Variants in R3HDM2 observed in about 807,000 individuals in gnomAD.
R3HDM2 encodes R3H domain containing 2.
Under a neutral mutation model 124.5 loss-of-function variants are expected in R3HDM2, and 38 were observed. That is an observed-to-expected ratio of 0.31 (90% CI 0.24 to 0.40). The LOEUF is 0.40. Among genes scored for constraint, R3HDM2 ranks in the 10% least tolerant of loss-of-function variants. The pLI is 1.00. For missense variants in R3HDM2, 869 were observed against 1,236.9 expected (o/e 0.70, Z 4.46); for synonymous variants, 391 against 448.0 (o/e 0.87, Z 1.61).
At chr12:57,380,667 T>A (rs186839374) in intron 2 of R3HDM2, among the ~76,000 whole-genome samples, 14 of 152,212 alleles carry the variant, frequency 9.2e-5, no homozygotes, top group Non-Finnish European at 1.5e-4. Flanking sequence ...AAAATACAAA[T>A]ATGATATTCT....
chr12:57,353,013 A>G (rs1156743672), intron 2 of R3HDM2, among the ~76,000 whole-genome samples: 5 of 152,226 alleles, frequency 3.3e-5, no homozygotes, highest in Admixed American at 2.6e-4. Flanking sequence ...AGACCTACAC[A>G]TGAAAAGTAA....
rs374452640 is a variant in R3HDM2, at chr12:57,356,521, G to A, written c.-36+39228C>T. Among the ~76,000 whole-genome samples the A allele has an allele frequency of 3.9e-4, 60 of 152,144 alleles. 1 individual carries two copies. The highest frequency in any genetic ancestry group is 1.2e-3 in the African/African-American group (48 of 41,520). On this transcript the variant is annotated intron_variant, in intron 2 of 23. Coordinates refer to ENST00000402412, the MANE Select transcript of R3HDM2 (RefSeq NM_001394031.1). Reference sequence around the variant, plus strand: ...CTTTGTTAAAGATTTTTGTATCCACGTACACAAGAAAATTTGGTCTGTAGT... The same window carrying A: ...CTTTGTTAAAGATTTTTGTATCCACATACACAAGAAAATTTGGTCTGTAGT...
rs201590705 is a variant in R3HDM2 at position 57,258,310 on chromosome 12, TTTTATTTATTTATTTA to T, written c.2302-189_2302-174del. Among the ~76,000 whole-genome samples the T allele has an allele frequency of 7.9e-3, 1,144 of 145,098 alleles. 12 individuals are homozygous for T. The highest frequency in any genetic ancestry group is 0.023 in the African/African-American group (898 of 39,570). On this transcript the variant is annotated intron_variant, in intron 20 of 23. Coordinates refer to ENST00000402412, the MANE Select transcript of R3HDM2 (RefSeq NM_001394031.1). Reference sequence around the variant, plus strand: ...CTCAGTCCTTAATTCATTTATGCTATTTTATTTATTTATTTATTTATTTATTTATTTATTTATTTAT... The same window carrying T: ...CTCAGTCCTTAATTCATTTATGCTATTTTATTTATTTATTTATTTATTTAT...
At chr12:57,383,217 G>A (rs2065162492) in intron 2 of R3HDM2, among the ~76,000 whole-genome samples, 1 of 152,192 alleles carries the variant, frequency 6.6e-6, no homozygotes, top group African/African-American at 2.4e-5. Flanking sequence ...CTACTTGGGA[G>A]GCTGAGGTGA....
intron 14 of R3HDM2, among the ~76,000 whole-genome samples, chr12:57,275,466 G>A (rs2044456792): frequency 6.9e-6 from 1 of 145,114 alleles, no homozygotes; most frequent in Admixed American, 6.9e-5. Flanking sequence ...AAGATAAATA[G>A]TTGGGACTTA....
At chr12:57,321,016 T>A (rs2056362889) in intron 2 of R3HDM2, among the ~76,000 whole-genome samples, 2 of 152,062 alleles carry the variant, frequency 1.3e-5, no homozygotes, top group Admixed American at 1.3e-4. Flanking sequence ...AATTGATACA[T>A]TTTAAAAAAT....
At chr12:57,399,345 T>C (rs1594479860) in intron 1 of R3HDM2, among the ~76,000 whole-genome samples, 1 of 152,044 alleles carries the variant, frequency 6.6e-6, no homozygotes, top group South Asian at 2.1e-4. Flanking sequence ...GAGGTTGCAG[T>C]GAGCTGAGAT....
At chr12:57,374,189 T>C (rs1354569039) in intron 2 of R3HDM2, among the ~76,000 whole-genome samples, 1 of 151,908 alleles carries the variant, frequency 6.6e-6, no homozygotes, top group East Asian at 1.9e-4. Flanking sequence ...GATGTAATAA[T>C]GAGCTGCAGT....
At chr12:57,294,235 C>T (rs2049246130) in intron 10 of R3HDM2, among the ~76,000 whole-genome samples, 1 of 152,122 alleles carries the variant, frequency 6.6e-6, no homozygotes, top group Admixed American at 6.5e-5. Flanking sequence ...ACAGAAACAA[C>T]CCTATTGGAT....
At chr12:57,324,383 A>G (rs959673430) in intron 2 of R3HDM2, among the ~76,000 whole-genome samples, 3 of 152,158 alleles carry the variant, frequency 2.0e-5, no homozygotes, top group Non-Finnish European at 4.4e-5. Flanking sequence ...GGGTTTCACC[A>G]TGTTGGGCAG....
At chr12:57,360,827 G>A (rs976168743) in intron 2 of R3HDM2, among the ~76,000 whole-genome samples, 15 of 151,892 alleles carry the variant, frequency 9.9e-5, no homozygotes, top group Non-Finnish European at 1.6e-4. Flanking sequence ...AGGCTGAGGC[G>A]GGCGGGTCAT....
intron 2 of R3HDM2, among the ~76,000 whole-genome samples, chr12:57,335,041 C>A (rs1185597191): frequency 6.6e-6 from 1 of 151,212 alleles, no homozygotes; most frequent in Non-Finnish European, 1.5e-5. Context: ...ACTTGAGAGG[C>A]TATAGCAGGA....
In R3HDM2 at chr12:57,392,804, C is replaced by CT. The variant is rs1183514418; in HGVS notation, c.-36+2944dup. ...CCCAGCAGTTCAATTCTATAGTACACTTTTTTTTTTTTTTTTTTTTGCTAG... is the reference window on the plus strand; with the variant it reads ...CCCAGCAGTTCAATTCTATAGTACACTTTTTTTTTTTTTTTTTTTTTGCTAG... On this transcript the variant is annotated intron_variant, in intron 2 of 23. Coordinates refer to ENST00000402412, the MANE Select transcript of R3HDM2 (RefSeq NM_001394031.1). Among the ~76,000 whole-genome samples, 789 of 127,478 alleles carry CT rather than the reference C, an allele frequency of 6.2e-3. 10 individuals carry two copies. Among genetic ancestry groups the CT allele is most frequent in the South Asian group, 0.025 (99 of 4,018 alleles). The allele number at this position is 127,478 out of a possible 152,430, so 83.6% of individuals were successfully genotyped here.
chr12:57,414,523 A>G (rs1054361052), intron 1 of R3HDM2, among the ~76,000 whole-genome samples: 2 of 148,130 alleles, frequency 1.4e-5, no homozygotes, highest in African/African-American at 5.0e-5. Flanking sequence ...AAAAAACCAA[A>G]AACAGAGAAT....
Position 57,296,760 on chromosome 12 carries a change from T to C in R3HDM2, c.561-209A>G. The C allele has an allele frequency of 1.8e-6, 1 of 542,370 alleles. No homozygotes were observed. The highest frequency in any genetic ancestry group is 3.2e-6 in the Non-Finnish European group (1 of 315,294). The allele number at this position is 542,370 out of a possible 1,614,324, so 33.6% of individuals were successfully genotyped here. A position where few individuals can be genotyped will look rare whatever the true frequency, so the allele number is the denominator to read the frequency against. On this transcript the variant is annotated intron_variant, in intron 8 of 23. Coordinates refer to ENST00000402412, the MANE Select transcript of R3HDM2 (RefSeq NM_001394031.1). The surrounding 1 kb of genome is among the most constrained non-coding windows in gnomAD (Gnocchi z 4.5). ...TATTCTGCAGATTACTATGACCTAC[T>C]TTCCTCATTAAGACTACTCATTGCT...
chr12:57,294,538 T>C (rs1168682726), intron 10 of R3HDM2, among the ~76,000 whole-genome samples: 2 of 152,158 alleles, frequency 1.3e-5, no homozygotes, highest in South Asian at 2.1e-4. Context: ...CTCAAGACCA[T>C]ACAATATCCC....
chr12:57,402,871 T>C (rs1267281968), intron 1 of R3HDM2, among the ~76,000 whole-genome samples: 1 of 152,088 alleles, frequency 6.6e-6, no homozygotes, highest in Non-Finnish European at 1.5e-5. Context: ...ATAAGGAAAT[T>C]CTTGATGTAT....
At chr12:57,407,598 G>A (rs1393872262) in intron 1 of R3HDM2, among the ~76,000 whole-genome samples, 2 of 151,710 alleles carry the variant, frequency 1.3e-5, no homozygotes, top group Non-Finnish European at 2.9e-5. Context: ...GTAGAGATGG[G>A]GTTTCACCGT....
In R3HDM2 at chr12:57,297,337, T is replaced by C. The variant is rs2050110381; in HGVS notation, c.551A>G (p.Asn184Ser). 1.3e-6 allele frequency: 2 copies of C among 1,503,222 alleles called. No individual in the cohort carries two copies. The highest frequency in any genetic ancestry group is 1.4e-5 in the African/African-American group (1 of 71,870). 93.1% of individuals were successfully genotyped at this position (1,503,222 alleles called of 1,614,324 possible). A position where few individuals can be genotyped will look rare whatever the true frequency, so the allele number is the denominator to read the frequency against. Residue 184 changes from asparagine (N) to serine (S), a missense_variant, in exon 8 of 24, where the codon AAT (asparagine) becomes AGT (serine). Coordinates refer to ENST00000402412, the MANE Select transcript of R3HDM2 (RefSeq NM_001394031.1). ...KLEQEILEFI[N>S]DNNNQFKKFP... ...CATGCAAGTAACTTACTTGTTGTCA[T>C]TAATAAATTCCAGAATCTCCTGTTC...
Sources: gnomAD v4.1 joint callset for allele counts (sites outside exome capture counted in the v4.1 genomes callset) on GRCh38, gnomAD v4.1.1 for gene constraint, Gnocchi (gnomAD v3.1) non-coding constraint, MANE v1.5 for transcripts, NCBI Gene and HGNC (gene_info 2026-07-23, HGNC 2026-07-21) for gene names.